The following LOC122455340 variants were observed in gnomAD, a reference collection of about 807,000 sequenced individuals.
At chr12:53,242,455 C>T in the LOC122455340 span, 1 of 398,300 alleles carries the variant, frequency 2.5e-6, no homozygotes, top group Non-Finnish European at 4.4e-6. Flanking sequence ...GACTGTTGCC[C>T]ACCAGGAGAC....
At chr12:53,242,136 A>G in the LOC122455340 span, 2 of 390,182 alleles carry the variant, frequency 5.1e-6, no homozygotes, top group Non-Finnish European at 8.9e-6. Flanking sequence ...CGCTTGTCCC[A>G]GCCTCCCGGG....
chr12:53,242,031 T>C, the LOC122455340 span: 1 of 400,296 alleles, frequency 2.5e-6, no homozygotes, highest in Non-Finnish European at 4.4e-6. Flanking sequence ...TCCTTGTCTG[T>C]CCTGTCCCCC....
the LOC122455340 span, chr12:53,241,944 C>T: frequency 4.8e-5 from 19 of 399,106 alleles, no homozygotes; most frequent in East Asian, 1.1e-4. Context: ...TCTGGGCCTA[C>T]GCTTGGGGCC....
chr12:53,242,531 G>A, the LOC122455340 span: 1 of 397,912 alleles, frequency 2.5e-6, no homozygotes, highest in Non-Finnish European at 4.4e-6. Context: ...GGTGGAGTGG[G>A]AGAGGGATCA....
At chr12:53,242,024 T>A in the LOC122455340 span, 1 of 399,534 alleles carries the variant, frequency 2.5e-6, no homozygotes, top group Non-Finnish European at 4.4e-6. Context: ...CTGGCTCTCC[T>A]TGTCTGTCCT....
chr12:53,242,708 C>A, the LOC122455340 span: 1 of 313,920 alleles, frequency 3.2e-6, no homozygotes, highest in Non-Finnish European at 5.8e-6. Context: ...AGAGCCTCCC[C>A]CACGGCCCCT....
the LOC122455340 span, chr12:53,242,530 G>A: frequency 3.3e-5 from 13 of 397,774 alleles, no homozygotes; most frequent in Admixed American, 8.8e-5. Context: ...GGGTGGAGTG[G>A]GAGAGGGATC....
At chr12:53,242,721 A>G in the LOC122455340 span, 1 of 284,498 alleles carries the variant, frequency 3.5e-6, no homozygotes. Flanking sequence ...CGGCCCCTGA[A>G]GGTGAGCAAG....
the LOC122455340 span, chr12:53,242,372 C>T: frequency 2.5e-6 from 1 of 397,350 alleles, no homozygotes; most frequent in East Asian, 3.6e-5. Flanking sequence ...CTCCAGGCTC[C>T]CTTGGCTGCT....
At chr12:53,242,505 A>AGGAGGCAGG in the LOC122455340 span, 1 of 397,980 alleles carries the variant, frequency 2.5e-6, no homozygotes, top group African/African-American at 2.1e-5. Flanking sequence ...CTGCCCTGGC[A>AGGAGGCAGG]AGGAGGCAGG....
the LOC122455340 span, chr12:53,242,480 A>G: frequency 7.5e-6 from 3 of 397,486 alleles, no homozygotes; most frequent in African/African-American, 2.1e-5. Flanking sequence ...AGTTTCCTGG[A>G]GCACTTCCGT....
chr12:53,242,449 GTTGCC>G, the LOC122455340 span: 1 of 398,318 alleles, frequency 2.5e-6, no homozygotes, highest in South Asian at 1.3e-4. Context: ...TAGGTGGACT[GTTGCC>G]CACCAGGAGA....
the LOC122455340 span, chr12:53,242,648 G>T: frequency 2.6e-6 from 1 of 383,138 alleles, no homozygotes; most frequent in Non-Finnish European, 4.6e-6. Flanking sequence ...GCTCCTGCTG[G>T]TTCCAGAACC....
chr12:53,242,242 C>G, the LOC122455340 span: 1 of 400,008 alleles, frequency 2.5e-6, no homozygotes, highest in Non-Finnish European at 4.4e-6. Context: ...CCACCCTTGA[C>G]CTGCTGCCAC....
the LOC122455340 span, chr12:53,242,012 T>C: frequency 2.5e-6 from 1 of 399,102 alleles, no homozygotes; most frequent in Non-Finnish European, 4.4e-6. Flanking sequence ...ATGGTCCACC[T>C]GCTGGCTCTC....
chr12:53,242,488 C>T, the LOC122455340 span: 2 of 398,278 alleles, frequency 5.0e-6, no homozygotes, highest in Non-Finnish European at 4.4e-6. Context: ...GGAGCACTTC[C>T]GTACTGCTGC....
At chr12:53,241,945 G>A in the LOC122455340 span, 88 of 398,684 alleles carry the variant, frequency 2.2e-4, no homozygotes, top group Middle Eastern at 3.1e-3. Flanking sequence ...CTGGGCCTAC[G>A]CTTGGGGCCT....
the LOC122455340 span, chr12:53,242,015 T>C: frequency 2.5e-6 from 1 of 399,586 alleles, no homozygotes; most frequent in East Asian, 3.6e-5. Context: ...GTCCACCTGC[T>C]GGCTCTCCTT....
At chr12:53,242,520 G>C in the LOC122455340 span, 2 of 398,056 alleles carry the variant, frequency 5.0e-6, no homozygotes, top group Non-Finnish European at 8.8e-6. Context: ...GGCAGGAGCT[G>C]GGTGGAGTGG....
Sources: gnomAD v4.1 joint callset for allele counts on GRCh38, gnomAD v4.1.1 for gene constraint, MANE v1.5 for transcripts.